PRELID2: variants seen among roughly 807,000 people sequenced by gnomAD.
PRELID2 encodes the protein PRELI domain-containing protein 2.
Under a neutral mutation model 28.4 loss-of-function variants are expected in PRELID2, and 25 were observed. The observed-to-expected ratio is 0.88, with a 90% confidence interval of 0.64 to 1.23. The LOEUF (loss-of-function observed/expected upper bound fraction) is 1.23. Among genes scored for constraint, PRELID2 ranks in the 50% most tolerant of loss-of-function variants. The probability of loss-of-function intolerance (pLI) is 0.00; values close to 1 mark genes in which losing one functional copy is unlikely to be tolerated. For missense variants in PRELID2, 201 were observed against 214.4 expected, an observed-to-expected ratio of 0.94 and a Z score of 0.39; for synonymous variants, 76 against 71.6, an observed-to-expected ratio of 1.06 and a Z score of -0.31.
At chr5:145,416,610 G>C in the PRELID2 span, among the ~76,000 whole-genome samples, 2 of 152,104 alleles carry the variant, frequency 1.3e-5, no homozygotes, top group Non-Finnish European at 2.9e-5. Context: ...TGAGAACAAA[G>C]AGACAATGTA....
the PRELID2 span, among the ~76,000 whole-genome samples, chr5:145,443,035 C>G: frequency 2.6e-5 from 4 of 151,956 alleles, no homozygotes; most frequent in Middle Eastern, 3.2e-3. Context: ...CCACAAGGGT[C>G]GCATTCCATT....
chr5:145,729,190 T>C, intron 1 of PRELID2: 1 of 707,252 alleles, frequency 1.4e-6, no homozygotes, highest in South Asian at 1.6e-5. Flanking sequence ...GTATCAGTGA[T>C]GCTCTGGGTT....
At chr5:145,814,334 T>G (rs1754153154) in intron 4 of PRELID2, among the ~76,000 whole-genome samples, 1 of 152,226 alleles carries the variant, frequency 6.6e-6, no homozygotes, top group Non-Finnish European at 1.5e-5. Context: ...ATTCCATCCT[T>G]TTGCTATTTC....
chr5:145,675,426 T>C (rs778386752), intron 1 of PRELID2, among the ~76,000 whole-genome samples: 21 of 152,238 alleles, frequency 1.4e-4, no homozygotes, highest in Non-Finnish European at 2.6e-4. Flanking sequence ...CATACACCGC[T>C]GGTACAAAAC....
At chr5:145,743,470 T>C (rs1374792337) in intron 1 of PRELID2, among the ~76,000 whole-genome samples, 1 of 149,608 alleles carries the variant, frequency 6.7e-6, no homozygotes, top group Non-Finnish European at 1.5e-5. Context: ...AATAGGCATG[T>C]GAATCCTTCA....
chr5:145,250,443 T>C, the PRELID2 span, among the ~76,000 whole-genome samples: 1 of 152,234 alleles, frequency 6.6e-6, no homozygotes, highest in East Asian at 1.9e-4. Context: ...AGGGAATCAG[T>C]GTAGTATAAA....
At chr5:145,608,241 A>T (rs1753538390) in intron 1 of PRELID2, among the ~76,000 whole-genome samples, 1 of 152,106 alleles carries the variant, frequency 6.6e-6, no homozygotes, top group South Asian at 2.1e-4. Context: ...GCTCATTAAC[A>T]TTCAAGGTTA....
downstream of PRELID2, among the ~76,000 whole-genome samples, chr5:145,755,246 T>C (rs1757226104): frequency 6.6e-6 from 1 of 152,198 alleles, no homozygotes; most frequent in South Asian, 2.1e-4. Flanking sequence ...ATTTTGCTTG[T>C]TGACTTTCTG....
the PRELID2 span, among the ~76,000 whole-genome samples, chr5:145,413,202 A>C: frequency 1.3e-4 from 20 of 152,336 alleles, no homozygotes; most frequent in East Asian, 3.5e-3. Context: ...CAATTCTCAA[A>C]ACAAGATGTA....
Position 145,759,965 on chromosome 5 carries a change from G to A in PRELID2, c.*571C>T, listed in dbSNP as rs1256213737. ...GCAGTTACATATTACTTATGGATAG[G>A]ATAAAAATCTCCTGATTTCTGAGAA... On this transcript the variant is annotated 3_prime_UTR_variant, in exon 7 of 7. Coordinates refer to ENST00000683046, the MANE Select transcript of PRELID2 (RefSeq NM_205846.3). The A allele has an allele frequency of 6.6e-6, 1 of 152,016 alleles. No individual in the cohort carries two copies. Among genetic ancestry groups the A allele is most frequent in the Non-Finnish European group, 1.5e-5 (1 of 68,016 alleles). The allele number at this position is 152,016 out of a possible 1,614,324, so 9.4% of individuals were successfully genotyped here. A position where few individuals can be genotyped will look rare whatever the true frequency, so the allele number is the denominator to read the frequency against.
the PRELID2 span, among the ~76,000 whole-genome samples, chr5:145,438,674 T>G: frequency 6.6e-6 from 1 of 152,172 alleles, no homozygotes; most frequent in Non-Finnish European, 1.5e-5. Context: ...TAGTGATCAT[T>G]AGTGTGAAAG....
chr5:145,239,306 A>G, the PRELID2 span, among the ~76,000 whole-genome samples: 1,084 of 152,192 alleles, frequency 7.1e-3, 4 homozygotes, highest in Non-Finnish European at 0.012. Context: ...GGATTTTCCC[A>G]GAAGGTAATT....
intron 1 of PRELID2, among the ~76,000 whole-genome samples, chr5:145,743,248 A>G (rs1415351979): frequency 6.6e-6 from 1 of 151,784 alleles, no homozygotes; most frequent in Non-Finnish European, 1.5e-5. Flanking sequence ...GTCTCTAACA[A>G]AAATACAAAA....
chr5:145,518,135 TATAATAATAATAATA>T (rs56385008), intron 1 of PRELID2, among the ~76,000 whole-genome samples: 1,830 of 142,514 alleles, frequency 0.013, 34 homozygotes, highest in African/African-American at 0.043. Context: ...GAACTTGAAG[TATAATAATAATAATA>T]ATAATAATAA....
At chr5:145,676,245 A>G (rs1038196124) in intron 1 of PRELID2, among the ~76,000 whole-genome samples, 25 of 148,802 alleles carry the variant, frequency 1.7e-4, no homozygotes, top group South Asian at 8.5e-4. Flanking sequence ...AAAAAAAATA[A>G]TGTGTCTCAT....
intron 6 of PRELID2, among the ~76,000 whole-genome samples, chr5:145,763,741 CAA>C (rs1757589086): frequency 6.6e-6 from 1 of 152,152 alleles, no homozygotes; most frequent in African/African-American, 2.4e-5. Context: ...TTACCCAAGG[CAA>C]AGTTTGTTTT....
chr5:145,359,758 A>C, the PRELID2 span, among the ~76,000 whole-genome samples: 1 of 152,106 alleles, frequency 6.6e-6, no homozygotes, highest in South Asian at 2.1e-4. Context: ...TTTGAAGTCC[A>C]CCTCTTCATC....
At chr5:145,464,589 T>TCAC in the PRELID2 span, among the ~76,000 whole-genome samples, 3 of 152,336 alleles carry the variant, frequency 2.0e-5, no homozygotes, top group Admixed American at 6.5e-5. Context: ...TACTGTGTAT[T>TCAC]CACCTTCTAC....
intron 4 of PRELID2, among the ~76,000 whole-genome samples, chr5:145,816,610 A>T (rs2149855818): frequency 6.6e-6 from 1 of 152,278 alleles, no homozygotes; most frequent in Non-Finnish European, 1.5e-5. Flanking sequence ...TTTGTATTCT[A>T]CATGAGGTAG....
Sources: gnomAD v4.1 joint callset for allele counts (sites outside exome capture counted in the v4.1 genomes callset) on GRCh38, gnomAD v4.1.1 for gene constraint, MANE v1.5 for transcripts, NCBI Gene and HGNC (gene_info 2026-07-23, HGNC 2026-07-21) for gene names.